Variants in CAMK2A observed in about 807,000 individuals in gnomAD.
The protein encoded by CAMK2A is calcium/calmodulin-dependent protein kinase type II subunit alpha.
Under a neutral mutation model 79.2 loss-of-function variants are expected in CAMK2A, and 7 were observed. The observed-to-expected ratio is 0.09, with a 90% CI of 0.05 to 0.17. The LOEUF (loss-of-function observed/expected upper bound fraction) is 0.17. Among genes scored for constraint, CAMK2A ranks in the 10% least tolerant of loss-of-function variants. CAMK2A has a pLI of 1.00. For missense variants in CAMK2A, 214 were observed against 646.4 expected, an observed-to-expected ratio of 0.33 and a Z score of 7.25; for synonymous variants, 242 against 251.7, an observed-to-expected ratio of 0.96 and a Z score of 0.36.
At chr5:150,247,896 G>C (rs547433257) in intron 11 of CAMK2A, 82 bp from the exon 12 acceptor site, 1 of 1,160,240 alleles carries the variant, frequency 8.6e-7, no homozygotes, top group African/African-American at 1.5e-5. Flanking sequence ...GGAGGGCCAC[G>C]GGGAAGGAGA....
intron 17 of CAMK2A, among the ~76,000 whole-genome samples, chr5:150,227,018 C>T (rs574273596): frequency 8.6e-5 from 13 of 151,748 alleles, no homozygotes; most frequent in African/African-American, 2.9e-4. Flanking sequence ...GTGATCTGCC[C>T]GCCTCAGCCT....
intron 1 of CAMK2A, among the ~76,000 whole-genome samples, chr5:150,276,357 G>A (rs548645442): frequency 1.1e-4 from 16 of 152,262 alleles, no homozygotes; most frequent in Admixed American, 5.2e-4. Context: ...AATACCCAGC[G>A]TCTAGTGCCA....
chr5:150,250,532 C>T (rs758603398), intron 10 of CAMK2A, among the ~76,000 whole-genome samples, 156 bp downstream of exon 10: 2 of 152,224 alleles, frequency 1.3e-5, no homozygotes, highest in Admixed American at 6.5e-5. Context: ...ACTCACTCCT[C>T]GTTTCCACAT....
At chr5:150,258,293 C>T (rs1225138187) in intron 3 of CAMK2A, among the ~76,000 whole-genome samples, 1 of 152,200 alleles carries the variant, frequency 6.6e-6, no homozygotes, top group African/African-American at 2.4e-5. Flanking sequence ...GAAGGAAGGG[C>T]CTGAGTCCTG....
At chr5:150,273,400 A>G (rs184973440) in intron 1 of CAMK2A, among the ~76,000 whole-genome samples, 2 of 152,354 alleles carry the variant, frequency 1.3e-5, no homozygotes, top group Admixed American at 1.3e-4. Flanking sequence ...TGCCAACGTC[A>G]TCAAAGTCGG....
Position 150,266,583 on chromosome 5 carries a change from G to A in CAMK2A, c.158-1568C>T, listed in dbSNP as rs192112312. 7.2e-5 allele frequency among the ~76,000 whole-genome samples: 11 copies of A among 152,212 alleles called. No homozygotes were observed. In the South Asian group the frequency reaches 1.7e-3, roughly 23 times the overall value. On this transcript the variant is annotated intron_variant, in intron 2 of 18. Coordinates refer to ENST00000671881, the MANE Select transcript of CAMK2A (RefSeq NM_015981.4). ...TCATTTTTCTGGCTGTCCAGAAGAG[G>A]AGACAGAGCTTCAGAGAGGTTAAGT...
chr5:150,288,523 A>G (rs1269115854), intron 1 of CAMK2A, among the ~76,000 whole-genome samples: 2 of 152,134 alleles, frequency 1.3e-5, no homozygotes, highest in Non-Finnish European at 1.5e-5. Flanking sequence ...TTCTACAGCC[A>G]CACACATCAC....
chr5:150,264,407 G>A (rs1756419827), intron 3 of CAMK2A, among the ~76,000 whole-genome samples: 1 of 152,220 alleles, frequency 6.6e-6, no homozygotes, highest in African/African-American at 2.4e-5. Context: ...TGAAGAAGGG[G>A]GGCCAGGCAG....
intron 2 of CAMK2A, chr5:150,265,269 T>C (rs897914311): frequency 2.1e-6 from 1 of 478,700 alleles, no homozygotes; most frequent in African/African-American, 2.0e-5. Context: ...GATTCTTAAA[T>C]GTGAGGCTTC....
chr5:150,278,558 A>C (rs1458183932), intron 1 of CAMK2A, among the ~76,000 whole-genome samples: 1 of 151,776 alleles, frequency 6.6e-6, no homozygotes, highest in Non-Finnish European at 1.5e-5. Flanking sequence ...AGGAGAGGCA[A>C]CGAGGCCAAG....
chr5:150,287,578 C>T (rs1293235060), intron 1 of CAMK2A, among the ~76,000 whole-genome samples: 4 of 152,160 alleles, frequency 2.6e-5, no homozygotes, highest in Admixed American at 6.5e-5. Context: ...CCTCTTGGGG[C>T]AAAACATCAC....
chr5:150,228,100 C>A, intron 17 of CAMK2A, 92 bp downstream of exon 17: 1 of 1,119,594 alleles, frequency 8.9e-7, no homozygotes. Context: ...CTGAGCCGCC[C>A]CTGGGGCCCT....
In CAMK2A at chr5:150,254,523, C is replaced by T. The variant is rs142070824; in HGVS notation, c.412-977G>A. ...AGGCTGAAAGATGATGAGGCTTATA[C>T]ATGGGGCCAGCAGCTGACTTGGGAA... On this transcript the variant is annotated intron_variant, in intron 6 of 18. Transcript: ENST00000671881. Among the ~76,000 whole-genome samples, 210 of 152,310 alleles carry T rather than the reference C, an allele frequency of 1.4e-3. 1 individual carries two copies. The highest frequency in any genetic ancestry group is 4.9e-3 in the African/African-American group (205 of 41,570).
chr5:150,240,047 G>T (rs1755271148), intron 13 of CAMK2A, among the ~76,000 whole-genome samples: 1 of 152,168 alleles, frequency 6.6e-6, no homozygotes, highest in Admixed American at 6.5e-5. Flanking sequence ...TAACTCTGAT[G>T]GCAAAAGCCA....
intron 3 of CAMK2A, 128 bp downstream of exon 3, chr5:150,264,828 C>G: frequency 1.4e-6 from 1 of 713,094 alleles, no homozygotes; most frequent in Non-Finnish European, 2.5e-6. Context: ...CCTTTCCCAT[C>G]TCTGCTGCCT....
At chr5:150,264,891 G>A (rs1000310130) in intron 3 of CAMK2A, 65 bp downstream of exon 3, 9 of 1,286,310 alleles carry the variant, frequency 7.0e-6, no homozygotes, top group East Asian at 4.6e-5. Flanking sequence ...AAACACCCAC[G>A]TGCCAGGGTG....
rs2114010527 is a variant in CAMK2A, at chr5:150,222,652, C to T, written c.*58G>A. On this transcript the variant is annotated 3_prime_UTR_variant, in exon 19 of 19. Transcript: ENST00000671881. ...CCACCTGGGAGAACCAGCAGCTCCA[C>T]TCCACGGACAGAGTGGATCTCTGCG... 1 of 1,604,448 alleles carries T rather than the reference C, an allele frequency of 6.2e-7. No individual in the cohort carries two copies. Among genetic ancestry groups the T allele is most frequent in the Non-Finnish European group, 8.5e-7 (1 of 1,171,824 alleles).
At chr5:150,281,470 T>C (rs760274979) in intron 1 of CAMK2A, among the ~76,000 whole-genome samples, 1 of 152,210 alleles carries the variant, frequency 6.6e-6, no homozygotes, top group African/African-American at 2.4e-5. Context: ...TTGGGCCACA[T>C]GTGGCTGCAT....
At chr5:150,230,969 T>A (rs1754812189) in intron 16 of CAMK2A, among the ~76,000 whole-genome samples, 1 of 152,096 alleles carries the variant, frequency 6.6e-6, no homozygotes, top group African/African-American at 2.4e-5. Context: ...CCTTCCCAGC[T>A]CATCTCCTGA....
Sources: allele counts gnomAD v4.1 joint callset (sites outside exome capture counted in the v4.1 genomes callset), GRCh38; gene constraint gnomAD v4.1.1; transcripts MANE v1.5; gene names NCBI Gene and HGNC (gene_info 2026-07-23, HGNC 2026-07-21).